Variants in ADAMTS6 observed in about 807,000 individuals in gnomAD.
ADAMTS6 encodes the protein ADAM metallopeptidase with thrombospondin type 1 motif 6, also known as A disintegrin and metalloproteinase with thrombospondin motifs 6.
ADAMTS6 carries 23 observed loss-of-function variants against 144.3 expected under a neutral mutation model. The observed-to-expected ratio is 0.16, with a 90% CI of 0.11 to 0.23. The LOEUF (loss-of-function observed/expected upper bound fraction) is 0.23. Among genes scored for constraint, ADAMTS6 ranks in the 10% least tolerant of loss-of-function variants. The probability of loss-of-function intolerance (pLI) is 1.00; values close to 1 mark genes in which losing one functional copy is unlikely to be tolerated. For missense variants in ADAMTS6, 999 were observed against 1,379.6 expected (o/e 0.72, Z 4.37); for synonymous variants, 444 against 457.5 (o/e 0.97, Z 0.38).
At chr5:65,268,836 C>G (rs1761836745) in intron 12 of ADAMTS6, among the ~76,000 whole-genome samples, 1 of 152,198 alleles carries the variant, frequency 6.6e-6, no homozygotes, top group Admixed American at 6.5e-5. Flanking sequence ...CTTTTGCAGC[C>G]AGAGTTTGAC....
rs189103303 is a variant in ADAMTS6 at position 65,150,240 on chromosome 5, G to T, written c.*1596C>A. The stretch of plus-strand genomic sequence containing the variant: ...AGCCATTTAGTTTTGAGTTTTAGGT[G>T]TTGGTGCATGCATGGTGTACACCTG... On this transcript the variant is annotated 3_prime_UTR_variant, in exon 25 of 25. Transcript: ENST00000381055. 42 of 152,724 alleles carry T rather than the reference G, an allele frequency of 2.8e-4. No individual in the cohort carries two copies. The highest frequency in any genetic ancestry group is 1.0e-3 in the African/African-American group (42 of 41,538). The allele number at this position is 152,724 out of a possible 1,614,324, so 9.5% of individuals were successfully genotyped here.
At chr5:65,367,917 C>A (rs7735565) in intron 7 of ADAMTS6, among the ~76,000 whole-genome samples, 5,578 of 151,264 alleles carry the variant, frequency 0.037, 360 homozygotes, top group African/African-American at 0.13. Context: ...TATATATGAC[C>A]AATCACATAA....
chr5:65,369,691 C>G (rs1373970611), intron 7 of ADAMTS6, among the ~76,000 whole-genome samples: 1 of 152,042 alleles, frequency 6.6e-6, no homozygotes, highest in African/African-American at 2.4e-5. Flanking sequence ...ATTTTGACAT[C>G]TTATTTAATA....
At chr5:65,354,251 C>T (rs1749119071) in intron 7 of ADAMTS6, among the ~76,000 whole-genome samples, 1 of 151,828 alleles carries the variant, frequency 6.6e-6, no homozygotes, top group Admixed American at 6.6e-5. Context: ...GCAATGATTT[C>T]TACTGCTTCT....
At chr5:65,192,840 T>C (rs1755100999) in intron 21 of ADAMTS6, among the ~76,000 whole-genome samples, 2 of 152,102 alleles carry the variant, frequency 1.3e-5, no homozygotes, top group Admixed American at 1.3e-4. Context: ...ATATTATTTC[T>C]CTATCAATGC....
intron 7 of ADAMTS6, among the ~76,000 whole-genome samples, chr5:65,361,417 T>C (rs1050938158): frequency 2.6e-5 from 4 of 152,296 alleles, no homozygotes; most frequent in African/African-American, 9.6e-5. Flanking sequence ...CAAAGTTCAG[T>C]ACCAATACCA....
intron 7 of ADAMTS6, among the ~76,000 whole-genome samples, chr5:65,412,062 TTATTA>T (rs1755098339): frequency 6.6e-6 from 1 of 152,178 alleles, no homozygotes. Flanking sequence ...AGGTAGGTTA[TTATTA>T]TACTGTCCAT....
chr5:65,168,358 C>T (rs1753348689), intron 24 of ADAMTS6, among the ~76,000 whole-genome samples: 2 of 151,876 alleles, frequency 1.3e-5, no homozygotes, highest in South Asian at 4.2e-4. Context: ...AGGAGAACTA[C>T]AAACCACTGC....
intron 7 of ADAMTS6, among the ~76,000 whole-genome samples, chr5:65,370,423 A>AAG (rs1750750252): frequency 6.6e-6 from 1 of 151,658 alleles, no homozygotes; most frequent in African/African-American, 2.4e-5. Flanking sequence ...TGCGCGCACC[A>AAG]TGCGTGAGCC....
chr5:65,336,914 A>G (rs1338136399), intron 7 of ADAMTS6, among the ~76,000 whole-genome samples: 2 of 152,110 alleles, frequency 1.3e-5, no homozygotes, highest in African/African-American at 4.8e-5. Flanking sequence ...ATATGTGGCT[A>G]TATCTACCAT....
At chr5:65,416,776 C>CAATAA (rs1242560566) in intron 7 of ADAMTS6, among the ~76,000 whole-genome samples, 30 of 144,974 alleles carry the variant, frequency 2.1e-4, no homozygotes, top group African/African-American at 5.4e-4. Context: ...CCAACAACAA[C>CAATAA]AACAAAATAA....
chr5:65,187,174 T>G (rs1350706058), intron 22 of ADAMTS6, among the ~76,000 whole-genome samples: 1 of 152,194 alleles, frequency 6.6e-6, no homozygotes, highest in Non-Finnish European at 1.5e-5. Flanking sequence ...TCTTAACACT[T>G]AACACACACT....
chr5:65,418,499 A>G (rs1239918420), intron 7 of ADAMTS6, among the ~76,000 whole-genome samples: 1 of 152,200 alleles, frequency 6.6e-6, no homozygotes, highest in Non-Finnish European at 1.5e-5. Flanking sequence ...AGATGTGGAA[A>G]TAGGCAGCTG....
intron 12 of ADAMTS6, among the ~76,000 whole-genome samples, chr5:65,263,299 T>C: frequency 6.6e-6 from 1 of 152,000 alleles, no homozygotes; most frequent in Non-Finnish European, 1.5e-5. Context: ...TTAGATATTT[T>C]AGTATTTTAT....
intron 4 of ADAMTS6, among the ~76,000 whole-genome samples, chr5:65,455,106 T>C (rs1759078804): frequency 6.6e-6 from 1 of 152,238 alleles, no homozygotes; most frequent in African/African-American, 2.4e-5. Flanking sequence ...ACAGCTTAAA[T>C]GTCCAAATAT....
At chr5:65,294,812 T>C (rs991042858) in intron 10 of ADAMTS6, among the ~76,000 whole-genome samples, 1 of 152,136 alleles carries the variant, frequency 6.6e-6, no homozygotes, top group Non-Finnish European at 1.5e-5. Flanking sequence ...AAGTGCTTTA[T>C]TCCAGTAATA....
chr5:65,297,032 A>G (rs1050674138), intron 10 of ADAMTS6: 4 of 333,186 alleles, frequency 1.2e-5, no homozygotes, highest in Non-Finnish European at 2.3e-5. Context: ...TGTGAGCCAT[A>G]ATACCAGGTT....
At chr5:65,215,983 C>G (rs1021352214) in intron 18 of ADAMTS6, among the ~76,000 whole-genome samples, 1 of 152,052 alleles carries the variant, frequency 6.6e-6, no homozygotes, top group Non-Finnish European at 1.5e-5. Context: ...AAGGAAAGAA[C>G]AAGAAATGGG....
chr5:65,397,571 G>T (rs868700143), intron 7 of ADAMTS6, among the ~76,000 whole-genome samples: 1 of 151,978 alleles, frequency 6.6e-6, no homozygotes, highest in Non-Finnish European at 1.5e-5. Flanking sequence ...TGACCCATGT[G>T]TTATTTAGAA....
Sources: gnomAD v4.1 joint callset for allele counts (sites outside exome capture counted in the v4.1 genomes callset) on GRCh38, gnomAD v4.1.1 for gene constraint, MANE v1.5 for transcripts, NCBI Gene and HGNC (gene_info 2026-07-23, HGNC 2026-07-21) for gene names.